Variants in TAS2R1 observed in about 807,000 individuals in gnomAD.
TAS2R1 encodes the protein taste 2 receptor member 1.
For missense variants in TAS2R1, 370 were observed against 353.4 expected (o/e 1.05, Z -0.38); for synonymous variants, 141 against 134.2 (o/e 1.05, Z -0.35).
At chr5:9,707,748 A>T (rs1021975699) in intron 1 of TAS2R1, among the ~76,000 whole-genome samples, 2 of 151,938 alleles carry the variant, frequency 1.3e-5, no homozygotes, top group Non-Finnish European at 1.5e-5. Context: ...CCCTCCCCCA[A>T]GCTTTTGTTC....
At chr5:9,814,894 CTG>C in the TAS2R1 span, among the ~76,000 whole-genome samples, 1,077 of 152,242 alleles carry the variant, frequency 7.1e-3, 5 homozygotes, top group African/African-American at 0.021. Flanking sequence ...AGTGTAAACA[CTG>C]TTATTGTTTA....
the TAS2R1 span, among the ~76,000 whole-genome samples, chr5:9,823,646 GAAAGGGAGGA>G: frequency 1.6e-5 from 2 of 125,240 alleles, no homozygotes; most frequent in African/African-American, 3.0e-5. Context: ...GGAAGGGAGG[GAAAGGGAGGA>G]AGGGAGGGAA....
chr5:9,841,205 A>C, the TAS2R1 span, among the ~76,000 whole-genome samples: 1 of 152,038 alleles, frequency 6.6e-6, no homozygotes, highest in Non-Finnish European at 1.5e-5. Flanking sequence ...TGTTTTTGCA[A>C]GCTTACTTTG....
the TAS2R1 span, among the ~76,000 whole-genome samples, chr5:9,797,738 T>C: frequency 6.6e-6 from 1 of 152,188 alleles, no homozygotes; most frequent in Non-Finnish European, 1.5e-5. Flanking sequence ...TTGACTTACG[T>C]AGCAGGCTGT....
the TAS2R1 span, among the ~76,000 whole-genome samples, chr5:9,811,993 G>T: frequency 6.6e-6 from 1 of 151,624 alleles, no homozygotes; most frequent in Admixed American, 6.6e-5. Context: ...TCCTCCCCCC[G>T]CATTGCTTGC....
chr5:9,880,308 C>T, the TAS2R1 span, among the ~76,000 whole-genome samples: 1 of 152,074 alleles, frequency 6.6e-6, no homozygotes, highest in East Asian at 1.9e-4. Flanking sequence ...ACACCTGCTT[C>T]CTAAGGAATT....
the TAS2R1 span, among the ~76,000 whole-genome samples, chr5:9,869,131 T>C: frequency 6.6e-6 from 1 of 152,214 alleles, no homozygotes; most frequent in Admixed American, 6.5e-5. Flanking sequence ...TTCCAACCTC[T>C]GCCTGTTACC....
the TAS2R1 span, among the ~76,000 whole-genome samples, chr5:9,855,143 T>C: frequency 6.6e-6 from 1 of 152,162 alleles, no homozygotes; most frequent in Non-Finnish European, 1.5e-5. Context: ...ACTTCCTAAT[T>C]CTTACTTGAC....
the TAS2R1 span, among the ~76,000 whole-genome samples, chr5:9,877,679 C>T: frequency 6.6e-6 from 1 of 152,226 alleles, no homozygotes; most frequent in Non-Finnish European, 1.5e-5. Flanking sequence ...TTGACTCACA[C>T]GTGTTCTGAG....
the TAS2R1 span, among the ~76,000 whole-genome samples, chr5:9,807,835 C>T: frequency 1.3e-5 from 2 of 151,966 alleles, no homozygotes; most frequent in Admixed American, 6.6e-5. Context: ...TGTAACCAAA[C>T]ACAACCTGAT....
At chr5:9,695,230 T>G (rs1741333860) in intron 1 of TAS2R1, among the ~76,000 whole-genome samples, 1 of 152,212 alleles carries the variant, frequency 6.6e-6, no homozygotes, top group Non-Finnish European at 1.5e-5. Flanking sequence ...ATGATTACTG[T>G]TTTTGTAGTT....
chr5:9,835,349 CT>C, the TAS2R1 span, among the ~76,000 whole-genome samples: 3 of 152,188 alleles, frequency 2.0e-5, no homozygotes, highest in Non-Finnish European at 2.9e-5. Context: ...CTAGAAACAC[CT>C]TTTTTCTGCC....
chr5:9,737,328 A>G, the TAS2R1 span, among the ~76,000 whole-genome samples: 3 of 152,180 alleles, frequency 2.0e-5, no homozygotes, highest in Admixed American at 1.3e-4. Context: ...CTTTGGCTCT[A>G]TCACTTATTA....
chr5:9,673,142 AGGGT>A (rs1380676198), intron 1 of TAS2R1, among the ~76,000 whole-genome samples: 1 of 151,974 alleles, frequency 6.6e-6, no homozygotes, highest in Non-Finnish European at 1.5e-5. Flanking sequence ...GGCCTACTTA[AGGGT>A]GGATGGTGGG....
chr5:9,660,225 A>ATTTTTTTTTTTTTTTTTT (rs35208333), intron 1 of TAS2R1, among the ~76,000 whole-genome samples: 1 of 88,820 alleles, frequency 1.1e-5, no homozygotes, highest in African/African-American at 4.6e-5. Context: ...CTCCCGGCTA[A>ATTTTTTTTTTTTTTTTTT]TTTTTTTTTT....
At chr5:9,866,106 A>G in the TAS2R1 span, among the ~76,000 whole-genome samples, 2 of 152,024 alleles carry the variant, frequency 1.3e-5, no homozygotes, top group South Asian at 4.1e-4. Context: ...GTGTTTTTTA[A>G]TATCTCTCTG....
the TAS2R1 span, among the ~76,000 whole-genome samples, chr5:9,762,781 A>G: frequency 1.3e-5 from 2 of 152,234 alleles, no homozygotes; most frequent in African/African-American, 2.4e-5. Flanking sequence ...CCTTGTGGCA[A>G]TGGAGAGCAA....
chr5:9,672,283 T>G (rs1403334330), intron 1 of TAS2R1, among the ~76,000 whole-genome samples: 1 of 151,972 alleles, frequency 6.6e-6, no homozygotes, highest in Non-Finnish European at 1.5e-5. Flanking sequence ...AAACAAGAAT[T>G]GACAAATGGG....
chr5:9,863,106 A>C, the TAS2R1 span: 3 of 152,088 alleles, frequency 2.0e-5, no homozygotes, highest in Admixed American at 2.0e-4. Context: ...ACAATGAACC[A>C]TTTTCCCTGA....
Sources: gnomAD v4.1 joint callset for allele counts (sites outside exome capture counted in the v4.1 genomes callset) on GRCh38, gnomAD v4.1.1 for gene constraint, MANE v1.5 for transcripts, NCBI Gene and HGNC (gene_info 2026-07-23, HGNC 2026-07-21) for gene names.